Variants in SNTG1 observed in about 807,000 individuals in gnomAD.
SNTG1 encodes the protein syntrophin gamma 1, also known as gamma-1-syntrophin.
In SNTG1, 39 loss-of-function variants were observed where a neutral mutation model predicts 74.7. The ratio of observed to expected loss-of-function variants is 0.52; its 90% CI spans 0.40 to 0.68. The LOEUF (loss-of-function observed/expected upper bound fraction) is 0.68. SNTG1 is among the 30% of genes least tolerant of loss of function. The pLI is 0.00. For missense variants in SNTG1, 685 were observed against 609.5 expected, an observed-to-expected ratio of 1.12 and a Z score of -1.30; for synonymous variants, 254 against 217.1, an observed-to-expected ratio of 1.17 and a Z score of -1.49.
chr8:50,070,339 T>G (rs529356248), intron 1 of SNTG1, among the ~76,000 whole-genome samples: 3 of 152,362 alleles, frequency 2.0e-5, no homozygotes, highest in African/African-American at 7.2e-5. Flanking sequence ...TAGCTTTTCT[T>G]TTGTTATTTT....
intron 16 of SNTG1, 48 bp from the exon 17 acceptor site, chr8:50,708,838 T>C (rs187219154): frequency 8.1e-7 from 1 of 1,230,454 alleles, no homozygotes; most frequent in East Asian, 2.3e-5. Context: ...ATAATATTGA[T>C]ATTGCATCAA....
At chr8:50,724,410 C>T (rs1474711543) in intron 17 of SNTG1, among the ~76,000 whole-genome samples, 1 of 152,108 alleles carries the variant, frequency 6.6e-6, no homozygotes, top group African/African-American at 2.4e-5. Flanking sequence ...TGTGGCCATG[C>T]AATTTGCTGC....
At position 50,402,347 on chromosome 8, in the gene SNTG1, A is replaced by G. The variant is rs1587487915; in HGVS notation, c.162+3A>G. ...CTGGTGAGCCTTTCTATTCTGGTGT[A>G]AGTAGCTTTTTCTTCTGTTGAAATT... On this transcript the variant is annotated splice_donor_region_variant and intron_variant, in intron 4 of 18. Transcript: ENST00000642720. 6.3e-7 allele frequency: 1 copy of G among 1,575,074 alleles called. No homozygotes were observed. Among genetic ancestry groups the G allele is most frequent in the Non-Finnish European group, 8.6e-7 (1 of 1,168,460 alleles).
chr8:50,499,573 A>G (rs1023661305), intron 8 of SNTG1, among the ~76,000 whole-genome samples: 19 of 151,742 alleles, frequency 1.3e-4, no homozygotes, highest in Admixed American at 1.2e-3. Flanking sequence ...TGTTGACTAA[A>G]AGTAGACAGT....
chr8:50,174,700 A>G (rs553517549), intron 2 of SNTG1, among the ~76,000 whole-genome samples: 1 of 152,300 alleles, frequency 6.6e-6, no homozygotes, highest in South Asian at 2.1e-4. Context: ...AGGAAAAAAG[A>G]AGCATTTTTT....
chr8:50,132,493 C>T (rs1282059479), intron 1 of SNTG1, among the ~76,000 whole-genome samples: 1 of 152,096 alleles, frequency 6.6e-6, no homozygotes, highest in African/African-American at 2.4e-5. Flanking sequence ...TATAGACATT[C>T]TCATTCCAAA....
At chr8:49,956,642 G>A (rs1199724835) in intron 1 of SNTG1, among the ~76,000 whole-genome samples, 1 of 151,984 alleles carries the variant, frequency 6.6e-6, no homozygotes, top group Admixed American at 6.6e-5. Flanking sequence ...TTTCTACCTG[G>A]ATTATATTCT....
intron 13 of SNTG1, among the ~76,000 whole-genome samples, chr8:50,653,640 C>T (rs1264478531): frequency 6.6e-6 from 1 of 152,006 alleles, no homozygotes; most frequent in Non-Finnish European, 1.5e-5. Flanking sequence ...AAGTTTTATA[C>T]ATTTCACTAA....
chr8:49,948,575 T>C (rs1276026462), intron 1 of SNTG1, among the ~76,000 whole-genome samples: 1 of 152,228 alleles, frequency 6.6e-6, no homozygotes, highest in Non-Finnish European at 1.5e-5. Context: ...ATCTACTGAA[T>C]AGTTTAGTTT....
At chr8:49,960,445 G>GT (rs879586493) in intron 1 of SNTG1, among the ~76,000 whole-genome samples, 4 of 152,100 alleles carry the variant, frequency 2.6e-5, no homozygotes, top group Non-Finnish European at 4.4e-5. Context: ...ATACAGAATT[G>GT]ATTGCTAAAA....
intron 1 of SNTG1, among the ~76,000 whole-genome samples, chr8:49,947,472 G>C (rs1809303155): frequency 6.6e-6 from 1 of 152,112 alleles, no homozygotes; most frequent in Admixed American, 6.6e-5. Context: ...AGCAACCAGA[G>C]GGCTTTTACC....
At chr8:50,156,013 A>C (rs1009807029) in intron 1 of SNTG1, among the ~76,000 whole-genome samples, 2 of 152,096 alleles carry the variant, frequency 1.3e-5, no homozygotes. Context: ...AAAAAAGGGC[A>C]AATGAAATGA....
At position 50,318,929 on chromosome 8, in the gene SNTG1, T is replaced by C. The variant is rs530047378; in HGVS notation, c.-27-75283T>C. Among the ~76,000 whole-genome samples, 433 of 152,056 alleles carry C rather than the reference T, an allele frequency of 2.8e-3. 4 individuals are homozygous for C. Among genetic ancestry groups the C allele is most frequent in the African/African-American group, 1.0e-2 (414 of 41,514 alleles). On this transcript the variant is annotated intron_variant, in intron 2 of 18. Transcript: ENST00000642720. ...TCTTACGTTTTATCAATAGAATACA[T>C]ATATGTGTTCTACCTGTGTATATAT...
chr8:50,559,103 G>A (rs1230990495), intron 12 of SNTG1, among the ~76,000 whole-genome samples: 1 of 152,050 alleles, frequency 6.6e-6, no homozygotes, highest in Non-Finnish European at 1.5e-5. Flanking sequence ...TGCTATTTCA[G>A]GCAAAGAAAA....
intron 11 of SNTG1, among the ~76,000 whole-genome samples, chr8:50,552,035 A>G (rs143919696): frequency 3.2e-4 from 49 of 152,326 alleles, no homozygotes; most frequent in African/African-American, 1.2e-3. Context: ...TAGAAGAGCC[A>G]GGAAAGGTGT....
intron 13 of SNTG1, among the ~76,000 whole-genome samples, chr8:50,599,353 G>T (rs2094755897): frequency 6.6e-6 from 1 of 151,854 alleles, no homozygotes; most frequent in South Asian, 2.1e-4. Flanking sequence ...TGGATATTTT[G>T]TGGTTCCAAA....
chr8:50,293,662 G>T (rs142203637), intron 2 of SNTG1, among the ~76,000 whole-genome samples: 1 of 151,788 alleles, frequency 6.6e-6, no homozygotes, highest in South Asian at 2.1e-4. Flanking sequence ...CACCTGCCTC[G>T]GCCTCCCAAA....
intron 2 of SNTG1, among the ~76,000 whole-genome samples, chr8:50,192,292 T>C (rs1330407322): frequency 6.6e-6 from 1 of 152,196 alleles, no homozygotes; most frequent in East Asian, 1.9e-4. Flanking sequence ...TCATCTGCTT[T>C]TTAGGTTTGA....
intron 1 of SNTG1, among the ~76,000 whole-genome samples, chr8:50,121,220 T>G (rs2131356714): frequency 7.0e-6 from 1 of 142,216 alleles, no homozygotes; most frequent in East Asian, 2.0e-4. Context: ...AACTGGATGC[T>G]TGAAGACTAA....
Sources: allele counts gnomAD v4.1 joint callset (sites outside exome capture counted in the v4.1 genomes callset), GRCh38; gene constraint gnomAD v4.1.1; transcripts MANE v1.5; gene names NCBI Gene and HGNC (gene_info 2026-07-23, HGNC 2026-07-21).